Variants in EPHB1 observed in about 807,000 individuals in gnomAD.
EPHB1 encodes EPH receptor B1.
A neutral mutation model predicts 94.4 loss-of-function variants in EPHB1; 30 were observed. The observed-to-expected ratio is 0.32, with a 90% CI of 0.24 to 0.43. The LOEUF is 0.43. EPHB1 is among the 20% of genes least tolerant of loss of function. The pLI, the probability that EPHB1 is intolerant of heterozygous loss-of-function variation, is 1.00. For missense variants in EPHB1, 1,055 were observed against 1,308.3 expected, an observed-to-expected ratio of 0.81 and a Z score of 2.99; for synonymous variants, 522 against 489.1, an observed-to-expected ratio of 1.07 and a Z score of -0.89.
At chr3:135,029,269 A>C (rs1936320610) in intron 3 of EPHB1, among the ~76,000 whole-genome samples, 1 of 150,728 alleles carries the variant, frequency 6.6e-6, no homozygotes, top group Admixed American at 6.6e-5. Flanking sequence ...TGTCATTATG[A>C]TGTTAGCTGG....
intron 5 of EPHB1, among the ~76,000 whole-genome samples, chr3:135,153,245 A>G (rs1217567021): frequency 6.6e-6 from 1 of 152,288 alleles, no homozygotes; most frequent in East Asian, 1.9e-4. Flanking sequence ...AAAGACCTTC[A>G]TCACTGCAGA....
At chr3:135,049,564 T>C (rs962272205) in intron 3 of EPHB1, among the ~76,000 whole-genome samples, 4 of 152,224 alleles carry the variant, frequency 2.6e-5, no homozygotes, top group Non-Finnish European at 5.9e-5. Flanking sequence ...AGACAGGAAT[T>C]GAATGCCACC....
chr3:134,802,171 T>A (rs546201174), intron 1 of EPHB1, among the ~76,000 whole-genome samples: 1 of 150,934 alleles, frequency 6.6e-6, no homozygotes, highest in Non-Finnish European at 1.5e-5. Context: ...GCGCGGTGGC[T>A]CATGCCTGTA....
At chr3:134,859,555 C>G (rs958969889) in intron 1 of EPHB1, among the ~76,000 whole-genome samples, 4 of 152,102 alleles carry the variant, frequency 2.6e-5, no homozygotes, top group Admixed American at 1.3e-4. Flanking sequence ...CTGGCTGAGA[C>G]CCCGTTGAGC....
At chr3:134,928,676 G>A (rs541262255) in intron 2 of EPHB1, among the ~76,000 whole-genome samples, 1 of 152,296 alleles carries the variant, frequency 6.6e-6, no homozygotes, top group East Asian at 1.9e-4. Flanking sequence ...TTCGACTTAG[G>A]GGCAATGGAA....
At chr3:135,174,390 G>T (rs544977624) in intron 9 of EPHB1, among the ~76,000 whole-genome samples, 150 of 152,248 alleles carry the variant, frequency 9.9e-4, no homozygotes, top group African/African-American at 3.3e-3. Context: ...TCTTTTTCCA[G>T]TGCAATACGA....
At chr3:135,030,190 T>A (rs1936381594) in intron 3 of EPHB1, among the ~76,000 whole-genome samples, 1 of 152,090 alleles carries the variant, frequency 6.6e-6, no homozygotes, top group Non-Finnish European at 1.5e-5. Context: ...TAGCTCAGAG[T>A]AATTTGATCG....
intron 3 of EPHB1, among the ~76,000 whole-genome samples, chr3:135,094,682 T>C (rs1331050239): frequency 6.6e-6 from 1 of 152,232 alleles, no homozygotes; most frequent in East Asian, 1.9e-4. Flanking sequence ...GCTTTCCCTC[T>C]TCTCTGCTCT....
chr3:135,245,273 C>T lies in EPHB1; in HGVS notation c.2497-3043C>T, dbSNP rs1189285986. Among the ~76,000 whole-genome samples the T allele has an allele frequency of 2.0e-5, 3 of 152,172 alleles. No homozygotes were observed. In the East Asian group the frequency reaches 5.8e-4, roughly 29 times the overall value. ...TGTAACAATCTCATCTGTGAAGTTT[C>T]AGGAAGTCAGGTGACTCTCCCAAGG... On this transcript the variant is annotated intron_variant, in intron 13 of 15. Coordinates refer to ENST00000398015, the MANE Select transcript of EPHB1 (RefSeq NM_004441.5).
At chr3:135,198,293 A>C (rs931407440) in intron 11 of EPHB1, among the ~76,000 whole-genome samples, 3 of 152,218 alleles carry the variant, frequency 2.0e-5, no homozygotes, top group African/African-American at 7.2e-5. Flanking sequence ...TTTAAGGCTG[A>C]TCACATACAT....
intron 1 of EPHB1, among the ~76,000 whole-genome samples, chr3:134,820,889 A>G (rs1203150593): frequency 1.3e-5 from 2 of 152,174 alleles, no homozygotes; most frequent in African/African-American, 2.4e-5. Flanking sequence ...TAGGATATTT[A>G]TTTATTTATT....
intron 7 of EPHB1, 135 bp downstream of exon 7, chr3:135,162,315 C>A: frequency 9.5e-7 from 1 of 1,054,938 alleles, no homozygotes; most frequent in Non-Finnish European, 1.3e-6. Context: ...AAACGGTTTG[C>A]CTCCCAGTAG....
At chr3:134,912,099 G>A (rs1161274610) in intron 1 of EPHB1, among the ~76,000 whole-genome samples, 1 of 152,214 alleles carries the variant, frequency 6.6e-6, no homozygotes, top group African/African-American at 2.4e-5. Context: ...TAGGGCTGCA[G>A]AGAGTCATTT....
At chr3:134,925,564 G>A (rs986914281) in intron 1 of EPHB1, among the ~76,000 whole-genome samples, 1 of 152,182 alleles carries the variant, frequency 6.6e-6, no homozygotes, top group African/African-American at 2.4e-5. Context: ...GGTCACCGGG[G>A]AGAGAGCACT....
chr3:135,191,103 AAGGG>A (rs112432728), intron 10 of EPHB1, among the ~76,000 whole-genome samples: 63,007 of 149,970 alleles, frequency 0.42, 13,665 homozygotes, highest in East Asian at 0.69. Context: ...AAAGGAGTGG[AAGGG>A]AGGAAGGAAG....
chr3:135,027,114 G>C (rs1238400395), intron 3 of EPHB1, among the ~76,000 whole-genome samples: 2 of 148,874 alleles, frequency 1.3e-5, no homozygotes, highest in Non-Finnish European at 1.5e-5. Flanking sequence ...GAGATTTTGG[G>C]CTGAGACAAT....
At position 134,882,765 on chromosome 3, in the gene EPHB1, C is replaced by CCTTTCTTTCTTCTTT. The variant is rs1553861898; in HGVS notation, c.59-43040_59-43039insCTTTCTTTCTTTCTT. ...TTCTTTCTTCCTTTCTTCCTTCCTT[C>CCTTTCTTTCTTCTTT]CTTTCTTTCTTTCTTTCTTTCTTTC... On this transcript the variant is annotated intron_variant, in intron 1 of 15. Transcript: ENST00000398015. Among the ~76,000 whole-genome samples, 80 of 79,914 alleles carry CCTTTCTTTCTTCTTT rather than the reference C, an allele frequency of 1.0e-3. 4 individuals carry two copies. Among genetic ancestry groups the CCTTTCTTTCTTCTTT allele is most frequent in the South Asian group, 3.5e-3 (7 of 2,020 alleles). 52.4% of individuals were successfully genotyped at this position (79,914 alleles called of 152,430 possible). A position where few individuals can be genotyped will look rare whatever the true frequency, so the allele number is the denominator to read the frequency against.
chr3:134,865,504 T>C lies in EPHB1; in HGVS notation c.59-60312T>C, dbSNP rs558478401. Among the ~76,000 whole-genome samples the C allele has an allele frequency of 5.9e-5, 9 of 152,312 alleles. 1 individual carries two copies. Among genetic ancestry groups the C allele is most frequent in the African/African-American group, 2.2e-4 (9 of 41,576 alleles). ...TTCTAGTAATATATCTTACAGATAT[T>C]CTTATACTTGTACAAAATTATATTC... On this transcript the variant is annotated intron_variant, in intron 1 of 15. Coordinates refer to ENST00000398015, the MANE Select transcript of EPHB1 (RefSeq NM_004441.5).
chr3:135,030,318 A>T (rs1100562), intron 3 of EPHB1, among the ~76,000 whole-genome samples: 1,623 of 151,458 alleles, frequency 0.011, 35 homozygotes, highest in African/African-American at 0.037. Context: ...TAGAGTTTCC[A>T]TTTTTTCTGT....
Sources: allele counts gnomAD v4.1 joint callset (sites outside exome capture counted in the v4.1 genomes callset), GRCh38; gene constraint gnomAD v4.1.1; transcripts MANE v1.5; gene names NCBI Gene and HGNC (gene_info 2026-07-23, HGNC 2026-07-21).